NTAN1: variants seen among roughly 807,000 people sequenced by gnomAD.
NTAN1 encodes the protein N-terminal asparagine amidase, also known as protein N-terminal asparagine amidohydrolase.
NTAN1 carries 32 observed loss-of-function variants against 41.9 expected under a neutral mutation model. The observed-to-expected ratio is 0.76, with a 90% CI of 0.58 to 1.03. The LOEUF (loss-of-function observed/expected upper bound fraction) is 1.03, where lower values mean the gene tolerates loss of function less well. Among genes scored for constraint, NTAN1 ranks in the 50% least tolerant of loss-of-function variants. The pLI is 0.00. For missense variants in NTAN1, 377 were observed against 377.5 expected (o/e 1.00, Z 0.01); for synonymous variants, 140 against 139.5 (o/e 1.00, Z -0.03).
At chr16:15,041,719 T>C (rs1567757040) in intron 5 of NTAN1, 43 bp from the exon 6 acceptor site, 4 of 1,441,350 alleles carry the variant, frequency 2.8e-6, no homozygotes, top group East Asian at 2.3e-5. Context: ...AAAGTTCCTC[T>C]AGTTACCAGA....
At chr16:15,048,733 A>G (rs1428327210) in intron 1 of NTAN1, among the ~76,000 whole-genome samples, 1 of 151,896 alleles carries the variant, frequency 6.6e-6, no homozygotes, top group South Asian at 2.1e-4. Context: ...AAGCGATCCT[A>G]CCACCTTAGC....
At position 15,055,981 on chromosome 16, in the gene NTAN1, G is replaced by T. The variant is rs917717457; in HGVS notation, c.-10C>A. The stretch of plus-strand genomic sequence containing the variant: ...CGACGAGCAGCGGCATCGCGGAGGC[G>T]GCCGCCCAGGCAGGCCCAGGGAGGC... On this transcript the variant is annotated 5_prime_UTR_variant, in exon 1 of 10. Transcript: ENST00000287706. 1.6e-5 allele frequency: 19 copies of T among 1,215,700 alleles called. No individual in the cohort carries two copies. Among genetic ancestry groups the T allele is most frequent in the South Asian group, 4.1e-5 (1 of 24,436 alleles). The allele number at this position is 1,215,700 out of a possible 1,614,324, so 75.3% of individuals were successfully genotyped here.
At chr16:15,047,127 T>C (rs1191002244) in intron 4 of NTAN1, 1 of 381,196 alleles carries the variant, frequency 2.6e-6, no homozygotes, top group Non-Finnish European at 4.8e-6. Context: ...AATGACTGCA[T>C]GGAGAGCTAC....
chr16:15,046,271 T>TA (rs1175435031), intron 4 of NTAN1, among the ~76,000 whole-genome samples: 2 of 152,246 alleles, frequency 1.3e-5, no homozygotes, highest in African/African-American at 4.8e-5. Context: ...CTTTCCTTTT[T>TA]AGACTCCTAG....
In NTAN1 at chr16:15,038,081, T is replaced by TGTAGA. The variant is rs2043608125; in HGVS notation, c.878_882dup (p.Lys295SerfsTer67). The TGTAGA allele has an allele frequency of 6.2e-7, 1 of 1,612,488 alleles. No homozygotes were observed. The highest frequency in any genetic ancestry group is 2.2e-5 in the East Asian group (1 of 44,860). Reference sequence around the variant, plus strand: ...TCCCACAAGCCATCTTCATTTTTTTTGTAGAGTAGGGCTTTATTTCCAGAA... The same window carrying TGTAGA: ...TCCCACAAGCCATCTTCATTTTTTTTGTAGAGTAGAGTAGGGCTTTATTTCCAGAA... On this transcript the variant is annotated frameshift_variant, in exon 10 of 10. Coordinates refer to ENST00000287706, the MANE Select transcript of NTAN1 (RefSeq NM_173474.4). LOFTEE classifies it high-confidence loss of function.
At position 15,048,054 on chromosome 16, in the gene NTAN1, G is replaced by GTCCC. The variant is rs1413745029; in HGVS notation, c.123_126dup (p.Pro43GlyfsTer29). 3 of 1,613,366 alleles carry GTCCC rather than the reference G, an allele frequency of 1.9e-6. No individual in the cohort carries two copies. Among genetic ancestry groups the GTCCC allele is most frequent in the Non-Finnish European group, 1.7e-6 (2 of 1,179,342 alleles). ...TGCTGAACATACAGAAGGCCCTGGGGTCCCACTTGTTGAACAGACTGACCT... is the reference window on the plus strand; with the variant it reads ...TGCTGAACATACAGAAGGCCCTGGGGTCCCTCCCACTTGTTGAACAGACTGACCT... On this transcript the variant is annotated frameshift_variant, in exon 2 of 10. Coordinates refer to ENST00000287706, the MANE Select transcript of NTAN1 (RefSeq NM_173474.4). LOFTEE classifies it high-confidence loss of function.
chr16:15,055,875 G>A lies in NTAN1; in HGVS notation c.81+16C>T, dbSNP rs1409507043. The A allele has an allele frequency of 8.2e-7, 1 of 1,212,296 alleles. No individual in the cohort carries two copies. The highest frequency in any genetic ancestry group is 4.1e-5 in the South Asian group (1 of 24,314). 75.1% of individuals were successfully genotyped at this position (1,212,296 alleles called of 1,614,324 possible). On this transcript the variant is annotated intron_variant, in intron 1 of 9. Coordinates refer to ENST00000287706, the MANE Select transcript of NTAN1 (RefSeq NM_173474.4). ...CCTCGGGCCCGCCCCGAAGCCCCGC[G>A]CCGCGCCCCACTCACCTCCAAAGGC...
At chr16:15,043,246 G>T (rs1244750463) in intron 5 of NTAN1, among the ~76,000 whole-genome samples, 1 of 152,058 alleles carries the variant, frequency 6.6e-6, no homozygotes. Flanking sequence ...ATGTTGCCCA[G>T]GCTGGTGTCG....
chr16:15,047,764 C>T (rs1235574626), intron 3 of NTAN1, 91 bp downstream of exon 3: 2 of 1,151,302 alleles, frequency 1.7e-6, no homozygotes, highest in Non-Finnish European at 2.6e-6. Flanking sequence ...CCGCTTCCAA[C>T]AAGACACCAG....
At chr16:15,052,165 T>C (rs191263251) in intron 1 of NTAN1, among the ~76,000 whole-genome samples, 57 of 152,342 alleles carry the variant, frequency 3.7e-4, no homozygotes, top group Admixed American at 5.2e-4. Context: ...TCTGTCACAA[T>C]TGCTCAACTC....
chr16:15,038,473 A>C, intron 9 of NTAN1, 101 bp downstream of exon 9: 1 of 714,658 alleles, frequency 1.4e-6, no homozygotes, highest in Non-Finnish European at 2.4e-6. Flanking sequence ...ACTACCCGCC[A>C]AAGGGAAAGC....
chr16:15,044,150 C>G, intron 5 of NTAN1, among the ~76,000 whole-genome samples, 184 bp downstream of exon 5: 1 of 152,144 alleles, frequency 6.6e-6, no homozygotes, highest in East Asian at 1.9e-4. Flanking sequence ...CTACCCCTCC[C>G]TACACATGAG....
chr16:15,038,475 AG>A, intron 9 of NTAN1, 98 bp downstream of exon 9: 1 of 719,784 alleles, frequency 1.4e-6, no homozygotes, highest in Non-Finnish European at 2.4e-6. Flanking sequence ...TACCCGCCAA[AG>A]GGAAAGCAGC....
At chr16:15,047,729 A>G in intron 3 of NTAN1, 126 bp downstream of exon 3, 1 of 937,354 alleles carries the variant, frequency 1.1e-6, no homozygotes, top group South Asian at 1.3e-5. Flanking sequence ...GACACCATGC[A>G]GACCAGAAAA....
chr16:15,038,355 A>AAAGTTGG, intron 9 of NTAN1, 145 bp from the exon 10 acceptor site: 2 of 584,006 alleles, frequency 3.4e-6, no homozygotes, highest in South Asian at 4.5e-5. Flanking sequence ...TAGTAAGAAA[A>AAAGTTGG]AAGTTGATTG....
chr16:15,047,193 C>T (rs539033430), intron 4 of NTAN1: 99 of 519,004 alleles, frequency 1.9e-4, no homozygotes, highest in African/African-American at 1.1e-3. Flanking sequence ...GTTCCTGAGA[C>T]GACATCAAGT....
rs376260058 is a variant in NTAN1, at chr16:15,053,815, G to T, written c.81+2076C>A. ...AATCCCAGCTACTTGGGAGGCTGAG[G>T]CAGGAGAATCGCTTGAACCTTGGGA... On this transcript the variant is annotated intron_variant, in intron 1 of 9. Coordinates refer to ENST00000287706, the MANE Select transcript of NTAN1 (RefSeq NM_173474.4). 2.0e-5 allele frequency among the ~76,000 whole-genome samples: 3 copies of T among 152,100 alleles called. No individual in the cohort carries two copies. In the South Asian group the frequency reaches 6.2e-4, roughly 31 times the overall value.
chr16:15,051,089 A>C (rs1202871805), intron 1 of NTAN1, among the ~76,000 whole-genome samples: 4 of 152,158 alleles, frequency 2.6e-5, no homozygotes, highest in Admixed American at 6.5e-5. Context: ...CCTCTTGATT[A>C]CTCCTGAGAT....
intron 1 of NTAN1, among the ~76,000 whole-genome samples, chr16:15,054,273 T>C (rs1597825169): frequency 1.3e-5 from 2 of 152,354 alleles, no homozygotes; most frequent in Middle Eastern, 6.8e-3. Flanking sequence ...TAACACAAAC[T>C]GGTCCCCAGT....
Sources: gnomAD v4.1 joint callset for allele counts (sites outside exome capture counted in the v4.1 genomes callset) on GRCh38, gnomAD v4.1.1 for gene constraint, MANE v1.5 for transcripts, NCBI Gene and HGNC (gene_info 2026-07-23, HGNC 2026-07-21) for gene names.